NEBL: variants seen among roughly 807,000 people sequenced by gnomAD.
NEBL encodes LIM and SH3 protein 2.
In NEBL, 122 loss-of-function variants were observed where a neutral mutation model predicts 140.2. That is an observed-to-expected ratio of 0.87 (90% CI 0.75 to 1.01). The LOEUF (loss-of-function observed/expected upper bound fraction) is 1.01, where lower values mean the gene tolerates loss of function less well. Ranked by LOEUF, NEBL falls within the 50% of genes least tolerant of loss-of-function variation. The pLI, the probability that NEBL is intolerant of heterozygous loss-of-function variation, is 0.00. For missense variants in NEBL, 1,365 were observed against 1,231.3 expected (o/e 1.11, Z -1.62); for synonymous variants, 436 against 398.9 (o/e 1.09, Z -1.11).
intron 19 of NEBL, among the ~76,000 whole-genome samples, chr10:20,822,105 A>T (rs1307238161): frequency 6.6e-6 from 1 of 152,216 alleles, no homozygotes; most frequent in African/African-American, 2.4e-5. Flanking sequence ...CCCAAAATGC[A>T]TAGTAAGCAC....
intron 4 of NEBL, among the ~76,000 whole-genome samples, chr10:20,884,255 A>G (rs1209609965): frequency 6.6e-6 from 1 of 152,010 alleles, no homozygotes; most frequent in African/African-American, 2.4e-5. Flanking sequence ...TTATTCATTT[A>G]TTTTAGAGAT....
rs75103346 is a variant in NEBL at position 20,935,532 on chromosome 10, G to A, written c.357+26140C>T. Among the ~76,000 whole-genome samples, 10 of 152,134 alleles carry A rather than the reference G, an allele frequency of 6.6e-5. No individual in the cohort carries two copies. In the East Asian group the frequency reaches 1.7e-3, roughly 26 times the overall value. ...ATCGCCTGGAAATCACACGGACTTT[G>A]GCAGATCTCCTCCTTTGCAAGGATA... On this transcript the variant is annotated intron_variant, in intron 4 of 6. Coordinates refer to the NEBL transcript ENST00000417816.
At chr10:20,873,483 G>A (rs1845180376) in intron 5 of NEBL, among the ~76,000 whole-genome samples, 1 of 151,928 alleles carries the variant, frequency 6.6e-6, no homozygotes, top group Non-Finnish European at 1.5e-5. Flanking sequence ...AAGAACAGGA[G>A]GAGGAGGGGG....
rs1838717118 is a variant in NEBL, at chr10:21,019,942, CG to C, written c.249+174del. On this transcript the variant is annotated intron_variant, in intron 3 of 6. Transcript: ENST00000417816. ...TGAGAATATCAGGACAATTCAAGAC[CG>C]GGAACAGTACAGATGTTCAACACTT... Among the ~76,000 whole-genome samples, 3 of 152,270 alleles carry C rather than the reference CG, an allele frequency of 2.0e-5. No individual in the cohort carries two copies. The South Asian group carries it at 6.2e-4, about 32-fold the overall frequency.
At chr10:21,074,000 G>T (rs894667313) in intron 2 of NEBL, among the ~76,000 whole-genome samples, 1 of 152,034 alleles carries the variant, frequency 6.6e-6, no homozygotes, top group Non-Finnish European at 1.5e-5. Flanking sequence ...GCGTGAATCC[G>T]GGAGGTGGAG....
intron 2 of NEBL, among the ~76,000 whole-genome samples, chr10:21,124,603 G>A (rs1474618338): frequency 6.6e-6 from 1 of 152,140 alleles, no homozygotes; most frequent in African/African-American, 2.4e-5. Flanking sequence ...AGAGGATGGG[G>A]AATGTAGAGT....
At chr10:21,225,770 C>T (rs944076338) in intron 3 of NEBL, among the ~76,000 whole-genome samples, 1 of 152,148 alleles carries the variant, frequency 6.6e-6, no homozygotes, top group East Asian at 1.9e-4. Flanking sequence ...TGGAACTCTT[C>T]CTTCAGGGAG....
At position 21,029,294 on chromosome 10, in the gene NEBL, T is replaced by C. The variant is rs932128759; in HGVS notation, c.165-9093A>G. 101 of 1,608,672 alleles carry C rather than the reference T, an allele frequency of 6.3e-5. No homozygotes were observed. In the African/African-American group the frequency reaches 1.3e-3, roughly 20 times the overall value. On this transcript the variant is annotated intron_variant, in intron 2 of 6. Coordinates refer to the NEBL transcript ENST00000417816. ...CCCAAATCGCCACCCTACACTTCTT[T>C]TCTAGGGAACCTATCCTATGATGTG...
chr10:20,947,619 A>G (rs1198876130), intron 4 of NEBL, among the ~76,000 whole-genome samples: 8 of 151,900 alleles, frequency 5.3e-5, no homozygotes, highest in African/African-American at 1.9e-4. Flanking sequence ...ATAGTTGTTT[A>G]TTATCATTGT....
At chr10:20,943,625 A>G in intron 4 of NEBL, among the ~76,000 whole-genome samples, 1 of 152,214 alleles carries the variant, frequency 6.6e-6, no homozygotes, top group East Asian at 1.9e-4. Context: ...TTACGAATTT[A>G]TCACATAATC....
rs768312782 is a variant in NEBL, at chr10:20,869,721, G to T, written c.582+19C>A. ...AAGTAAGAAATCATTTCCGTTCAAG[G>T]TTTAGAAAGAGAAGTTACATTGCTT... is the stretch of plus-strand genomic sequence containing the variant. On this transcript the variant is annotated intron_variant, in intron 6 of 27. Transcript: ENST00000377122. 1 of 1,541,270 alleles carries T rather than the reference G, an allele frequency of 6.5e-7. No individual in the cohort carries two copies. The highest frequency in any genetic ancestry group is 1.7e-5 in the Admixed American group (1 of 59,888).
intron 3 of NEBL, among the ~76,000 whole-genome samples, chr10:21,210,342 C>T (rs1354230036): frequency 6.6e-6 from 1 of 151,952 alleles, no homozygotes; most frequent in African/African-American, 2.4e-5. Context: ...TGCAGTAAGC[C>T]GAGACTGCAC....
At chr10:21,053,853 T>C (rs916023452) in intron 2 of NEBL, among the ~76,000 whole-genome samples, 1 of 152,058 alleles carries the variant, frequency 6.6e-6, no homozygotes, top group Non-Finnish European at 1.5e-5. Context: ...GACAATGTGG[T>C]GAAGCCCAGT....
chr10:20,823,132 C>T (rs1019856029), intron 19 of NEBL, 76 bp downstream of exon 19: 37 of 1,088,048 alleles, frequency 3.4e-5, no homozygotes, highest in Non-Finnish European at 4.9e-5. Flanking sequence ...GGCATTTGAC[C>T]TGTACAGGTT....
chr10:20,791,842 C>G (rs142700931), intron 26 of NEBL, among the ~76,000 whole-genome samples: 8 of 152,222 alleles, frequency 5.3e-5, no homozygotes, highest in Non-Finnish European at 7.4e-5. Flanking sequence ...GGGGGATGTA[C>G]GCAGAGTGCG....
intron 2 of NEBL, among the ~76,000 whole-genome samples, chr10:21,115,975 T>C (rs1838266980): frequency 6.6e-6 from 1 of 152,128 alleles, no homozygotes; most frequent in African/African-American, 2.4e-5. Flanking sequence ...TTTTAGATAA[T>C]TGCTATATCT....
At position 21,186,531 on chromosome 10, in the gene NEBL, C is replaced by T. The variant is rs192094240; in HGVS notation, n.349-14054G>A. Among the ~76,000 whole-genome samples, 6 of 152,310 alleles carry T rather than the reference C, an allele frequency of 3.9e-5. No homozygotes were observed. The East Asian group carries it at 5.8e-4, about 15-fold the overall frequency. On this transcript the variant is annotated intron_variant and non_coding_transcript_variant, in intron 3 of 8. Coordinates refer to the NEBL transcript ENST00000675702. ...GTATTTGCATATAACCTACACACAT[C>T]CTCCTGTATTCTTTAAATCAAGCTT...
intron 3 of NEBL, among the ~76,000 whole-genome samples, chr10:21,193,564 C>T (rs150182343): frequency 4.6e-5 from 7 of 152,166 alleles, no homozygotes; most frequent in African/African-American, 1.4e-4. Context: ...GATTGCTTGT[C>T]CAAAGCCCTC....
intron 2 of NEBL, among the ~76,000 whole-genome samples, chr10:21,162,122 G>T (rs537857489): frequency 6.6e-6 from 1 of 152,316 alleles, no homozygotes; most frequent in South Asian, 2.1e-4. Flanking sequence ...GGATACCAAA[G>T]ATTGGTGGAG....
Sources: allele counts gnomAD v4.1 joint callset (sites outside exome capture counted in the v4.1 genomes callset), GRCh38; gene constraint gnomAD v4.1.1; transcripts MANE v1.5; gene names NCBI Gene and HGNC (gene_info 2026-07-23, HGNC 2026-07-21).